Variants in PIK3C2G observed in about 807,000 individuals in gnomAD.
PIK3C2G encodes phosphatidylinositol 3-kinase C2 domain-containing subunit gamma.
Under a neutral mutation model 181.1 loss-of-function variants are expected in PIK3C2G, and 168 were observed. That is an observed-to-expected ratio of 0.93 (90% CI 0.82 to 1.05). PIK3C2G has a LOEUF of 1.05. PIK3C2G is among the 50% of genes least tolerant of loss of function. The probability of loss-of-function intolerance (pLI) is 0.00; values close to 1 mark genes in which losing one functional copy is unlikely to be tolerated. For synonymous variants in PIK3C2G, 573 were observed against 592.2 expected (o/e 0.97, Z 0.47); for missense variants, 1,869 against 1,732.8 (o/e 1.08, Z -1.40).
At chr12:18,261,919 T>G (rs1310650794) in intron 1 of PIK3C2G, among the ~76,000 whole-genome samples, 3 of 152,128 alleles carry the variant, frequency 2.0e-5, no homozygotes, top group Non-Finnish European at 4.4e-5. Context: ...CTTGAGCTAA[T>G]TATTTCATTC....
At chr12:18,353,743 C>T (rs773302909) in intron 11 of PIK3C2G, among the ~76,000 whole-genome samples, 2 of 152,272 alleles carry the variant, frequency 1.3e-5, no homozygotes, top group East Asian at 3.9e-4. Flanking sequence ...TAAATTTATC[C>T]TTTATGTTTA....
intron 15 of PIK3C2G, among the ~76,000 whole-genome samples, chr12:18,398,071 T>C (rs1406340832): frequency 6.6e-6 from 1 of 152,184 alleles, no homozygotes; most frequent in Non-Finnish European, 1.5e-5. Context: ...TCTAAAAGGT[T>C]AATATTTATC....
At chr12:18,497,547 G>T in intron 21 of PIK3C2G, 72 bp from the exon 22 acceptor site, 2 of 1,174,174 alleles carry the variant, frequency 1.7e-6, no homozygotes, top group Non-Finnish European at 2.4e-6. Flanking sequence ...AAAGTGACAT[G>T]TACTGTATTT....
At chr12:18,321,800 G>A (rs1394195896) in intron 7 of PIK3C2G, among the ~76,000 whole-genome samples, 2 of 152,174 alleles carry the variant, frequency 1.3e-5, no homozygotes, top group Admixed American at 6.5e-5. Flanking sequence ...GGACAGAGAT[G>A]GAGCTAGAAG....
chr12:18,573,822 G>A (rs1946098486), intron 29 of PIK3C2G, among the ~76,000 whole-genome samples: 1 of 152,074 alleles, frequency 6.6e-6, no homozygotes, highest in Non-Finnish European at 1.5e-5. Flanking sequence ...TGCTATTGTA[G>A]GGTCTCAGTC....
At chr12:18,296,454 GT>G (rs1048603123) in intron 5 of PIK3C2G, among the ~76,000 whole-genome samples, 4 of 151,980 alleles carry the variant, frequency 2.6e-5, no homozygotes, top group Non-Finnish European at 5.9e-5. Context: ...GCCAAGAATG[GT>G]AATGACTTAA....
At chr12:18,336,847 C>T (rs1048651572) in intron 8 of PIK3C2G, among the ~76,000 whole-genome samples, 3 of 151,990 alleles carry the variant, frequency 2.0e-5, no homozygotes, top group African/African-American at 4.8e-5. Context: ...TCATTGGTTT[C>T]GGATTTGTAA....
chr12:18,465,138 C>T (rs1025868015), intron 18 of PIK3C2G, among the ~76,000 whole-genome samples: 21 of 151,694 alleles, frequency 1.4e-4, no homozygotes, highest in African/African-American at 4.8e-4. Flanking sequence ...TTGTTACAGC[C>T]CTTTGAATAC....
chr12:18,462,782 T>C (rs1162295511), intron 18 of PIK3C2G, among the ~76,000 whole-genome samples: 1 of 152,180 alleles, frequency 6.6e-6, no homozygotes, highest in African/African-American at 2.4e-5. Context: ...TTCTGCTCGC[T>C]GATTAAATTG....
intron 15 of PIK3C2G, among the ~76,000 whole-genome samples, chr12:18,393,394 A>G (rs1943663139): frequency 6.6e-6 from 1 of 152,078 alleles, no homozygotes. Context: ...TCAGTTTCCC[A>G]GTACCACATT....
At chr12:18,669,608 C>T in the PIK3C2G span, among the ~76,000 whole-genome samples, 1 of 151,978 alleles carries the variant, frequency 6.6e-6, no homozygotes, top group Non-Finnish European at 1.5e-5. Context: ...CAGACAGTTG[C>T]CTTTGCAGCT....
chr12:18,245,262 C>A (rs532046120), upstream of PIK3C2G, among the ~76,000 whole-genome samples: 33 of 152,130 alleles, frequency 2.2e-4, no homozygotes, highest in African/African-American at 7.9e-4. Context: ...TGTTTTAGAA[C>A]CTCTCATTTC....
chr12:18,257,891 CAGAA>C (rs1016368605), upstream of PIK3C2G, among the ~76,000 whole-genome samples: 48 of 151,962 alleles, frequency 3.2e-4, no homozygotes, highest in African/African-American at 1.1e-3. Flanking sequence ...AGAAAAGAAA[CAGAA>C]AGAGATAAAG....
intron 18 of PIK3C2G, among the ~76,000 whole-genome samples, chr12:18,436,876 T>G (rs1205424385): frequency 1.3e-5 from 2 of 152,022 alleles, no homozygotes; most frequent in African/African-American, 4.8e-5. Context: ...TGTACTGATT[T>G]AAAAACGATG....
intron 18 of PIK3C2G, among the ~76,000 whole-genome samples, chr12:18,431,317 C>A (rs987726325): frequency 1.3e-5 from 2 of 152,104 alleles, no homozygotes; most frequent in Non-Finnish European, 2.9e-5. Flanking sequence ...ATGATCCTTG[C>A]CTTAAAGAAG....
intron 9 of PIK3C2G, among the ~76,000 whole-genome samples, chr12:18,342,569 TA>T (rs1352298239): frequency 6.6e-5 from 10 of 151,960 alleles, no homozygotes; most frequent in African/African-American, 1.9e-4. Context: ...TGGATCTTAT[TA>T]AAAATTGTAT....
intron 6 of PIK3C2G, among the ~76,000 whole-genome samples, chr12:18,318,700 A>G (rs1950975538): frequency 6.6e-6 from 1 of 152,016 alleles, no homozygotes; most frequent in African/African-American, 2.4e-5. Context: ...GCAAAGCTCA[A>G]TTCATCTTAG....
chr12:18,621,021 TG>T (rs1415836017), intron 31 of PIK3C2G, among the ~76,000 whole-genome samples: 2 of 152,054 alleles, frequency 1.3e-5, no homozygotes, highest in Non-Finnish European at 2.9e-5. Context: ...GTCTTCTCCC[TG>T]TAGTAAGAAA....
rs548571890 is a variant in PIK3C2G, at chr12:18,570,724, T to C, written c.4011+3667T>C. Among the ~76,000 whole-genome samples, 80 of 150,388 alleles carry C rather than the reference T, an allele frequency of 5.3e-4. 7 individuals carry two copies. Among genetic ancestry groups the C allele is most frequent in the African/African-American group, 1.9e-3 (78 of 40,134 alleles). On this transcript the variant is annotated intron_variant, in intron 29 of 32. Transcript: ENST00000538779. Reference sequence around the variant, plus strand: ...GAAGTTAGTCATTGTAGCATATCTATGCAATGCAAGCAGTGTGTGGGTATG... The same window carrying C: ...GAAGTTAGTCATTGTAGCATATCTACGCAATGCAAGCAGTGTGTGGGTATG...
Sources: gnomAD v4.1 joint callset for allele counts (sites outside exome capture counted in the v4.1 genomes callset) on GRCh38, gnomAD v4.1.1 for gene constraint, MANE v1.5 for transcripts, NCBI Gene and HGNC (gene_info 2026-07-23, HGNC 2026-07-21) for gene names.